CRPPA: variants seen among roughly 807,000 people sequenced by gnomAD.
CRPPA encodes the protein D-ribitol-5-phosphate cytidylyltransferase.
A neutral mutation model predicts 52.0 loss-of-function variants in CRPPA; 43 were observed. That is an observed-to-expected ratio of 0.83 (90% confidence interval 0.65 to 1.07). CRPPA has a LOEUF of 1.07. CRPPA is among the 50% of genes least tolerant of loss of function. CRPPA has a pLI of 0.00. For synonymous variants in CRPPA, 250 were observed against 203.5 expected, an observed-to-expected ratio of 1.23 and a Z score of -1.94; for missense variants, 629 against 551.7, an observed-to-expected ratio of 1.14 and a Z score of -1.40.
chr7:16,232,192 T>A (rs1782817339), intron 8 of CRPPA, among the ~76,000 whole-genome samples: 1 of 152,134 alleles, frequency 6.6e-6, no homozygotes, highest in South Asian at 2.1e-4. Flanking sequence ...AAATTGGCAA[T>A]AGCCATGAGC....
intron 5 of CRPPA, among the ~76,000 whole-genome samples, chr7:16,296,390 A>T (rs1784675966): frequency 6.6e-6 from 1 of 152,174 alleles, no homozygotes; most frequent in South Asian, 2.1e-4. Context: ...ATGGACCAAA[A>T]CACACAGGCT....
intron 9 of CRPPA, among the ~76,000 whole-genome samples, chr7:16,092,412 G>C (rs538193028): frequency 1.2e-4 from 18 of 152,274 alleles, no homozygotes; most frequent in Admixed American, 1.2e-3. Flanking sequence ...GTTGTGAATT[G>C]TGCTATCTTT....
chr7:16,248,252 T>A (rs1279435147), intron 8 of CRPPA, among the ~76,000 whole-genome samples: 2 of 152,090 alleles, frequency 1.3e-5, no homozygotes, highest in Admixed American at 1.3e-4. Context: ...GCTGGAGGGA[T>A]CACTTGAGCC....
intron 3 of CRPPA, among the ~76,000 whole-genome samples, chr7:16,371,203 A>G (rs1325312739): frequency 6.6e-6 from 1 of 152,194 alleles, no homozygotes; most frequent in African/African-American, 2.4e-5. Context: ...CACTTGCCTT[A>G]GCTACAACTG....
intron 3 of CRPPA, among the ~76,000 whole-genome samples, chr7:16,344,283 G>C (rs1785946695): frequency 6.6e-6 from 1 of 151,684 alleles, no homozygotes; most frequent in Non-Finnish European, 1.5e-5. Context: ...AAAATAACGT[G>C]GGCCAGGTGT....
intron 9 of CRPPA, among the ~76,000 whole-genome samples, chr7:16,195,307 G>A (rs953393875): frequency 3.9e-5 from 6 of 152,070 alleles, no homozygotes; most frequent in Non-Finnish European, 8.8e-5. Flanking sequence ...TTTCCATTGA[G>A]ATTTTGCCTT....
chr7:16,313,345 T>TA, intron 3 of CRPPA, among the ~76,000 whole-genome samples: 1 of 151,998 alleles, frequency 6.6e-6, no homozygotes, highest in Non-Finnish European at 1.5e-5. Context: ...ACTAAGTTTT[T>TA]AGGCACAGAG....
chr7:16,219,072 C>T (rs1454124024), intron 8 of CRPPA, among the ~76,000 whole-genome samples: 2 of 152,154 alleles, frequency 1.3e-5, no homozygotes, highest in Non-Finnish European at 2.9e-5. Flanking sequence ...TGTAAAAGAA[C>T]AGAAATTATA....
chr7:16,100,543 C>G (rs150810416), intron 9 of CRPPA, among the ~76,000 whole-genome samples: 1 of 152,078 alleles, frequency 6.6e-6, no homozygotes, highest in Non-Finnish European at 1.5e-5. Flanking sequence ...AAATATCGAA[C>G]GTTTTAGGCT....
At chr7:16,131,770 G>T (rs924362494) in intron 9 of CRPPA, among the ~76,000 whole-genome samples, 13 of 152,104 alleles carry the variant, frequency 8.5e-5, no homozygotes, top group African/African-American at 2.9e-4. Context: ...TTGTAAAGAT[G>T]GAGTCTCACC....
chr7:16,089,388 A>G lies in CRPPA; in HGVS notation c.*2307T>C, dbSNP rs762061291. 2.6e-6 allele frequency: 1 copy of G among 377,430 alleles called. No homozygotes were observed. Among genetic ancestry groups the G allele is most frequent in the South Asian group, 1.8e-5 (1 of 56,446 alleles). The allele number at this position is 377,430 out of a possible 1,614,324, so 23.4% of individuals were successfully genotyped here. A position where few individuals can be genotyped will look rare whatever the true frequency, so the allele number is the denominator to read the frequency against. ...CATGCATGTACATATATACGTATAT[A>G]TGTATGTACATAATGTGTATATATG... is the stretch of plus-strand genomic sequence containing the variant. On this transcript the variant is annotated 3_prime_UTR_variant, in exon 10 of 10. Transcript: ENST00000407010.
intron 9 of CRPPA, among the ~76,000 whole-genome samples, chr7:16,167,802 T>C (rs2128384251): frequency 6.6e-6 from 1 of 152,352 alleles, no homozygotes; most frequent in Non-Finnish European, 1.5e-5. Flanking sequence ...TTTACCTAGT[T>C]AATCCCTATC....
chr7:16,226,895 A>C (rs929183829), intron 8 of CRPPA, among the ~76,000 whole-genome samples: 2 of 151,886 alleles, frequency 1.3e-5, no homozygotes, highest in Non-Finnish European at 2.9e-5. Context: ...TTCCTCATTG[A>C]AGTGAAATTT....
At chr7:16,094,430 G>A (rs374124425) in intron 9 of CRPPA, among the ~76,000 whole-genome samples, 1 of 152,056 alleles carries the variant, frequency 6.6e-6, no homozygotes, top group East Asian at 1.9e-4. Flanking sequence ...TATTAACACA[G>A]GAAAAAAATG....
chr7:16,347,927 T>A (rs1786056137), intron 3 of CRPPA, among the ~76,000 whole-genome samples: 1 of 151,658 alleles, frequency 6.6e-6, no homozygotes, highest in Non-Finnish European at 1.5e-5. Context: ...GGAAAAAAAA[T>A]GGTGGTTTTC....
At chr7:16,140,553 T>C (rs936579023) in intron 9 of CRPPA, among the ~76,000 whole-genome samples, 4 of 152,196 alleles carry the variant, frequency 2.6e-5, no homozygotes, top group East Asian at 1.9e-4. Context: ...ACATAAAAAG[T>C]TGAATCAACA....
chr7:16,406,946 G>A (rs1787968766), intron 1 of CRPPA, among the ~76,000 whole-genome samples: 1 of 152,166 alleles, frequency 6.6e-6, no homozygotes, highest in Non-Finnish European at 1.5e-5. Flanking sequence ...TTGTTCTATT[G>A]AGTCATATAC....
chr7:16,359,199 G>C (rs988807573), intron 3 of CRPPA, among the ~76,000 whole-genome samples: 1 of 152,146 alleles, frequency 6.6e-6, no homozygotes, highest in Non-Finnish European at 1.5e-5. Context: ...ATAGCTCACT[G>C]TAACCTAGAA....
At chr7:16,322,872 C>T (rs1189399503) in intron 3 of CRPPA, among the ~76,000 whole-genome samples, 1 of 152,118 alleles carries the variant, frequency 6.6e-6, no homozygotes, top group Non-Finnish European at 1.5e-5. Context: ...TTCCACATCA[C>T]TGGGGAGGCC....
Sources: gnomAD v4.1 joint callset for allele counts (sites outside exome capture counted in the v4.1 genomes callset) on GRCh38, gnomAD v4.1.1 for gene constraint, MANE v1.5 for transcripts, NCBI Gene and HGNC (gene_info 2026-07-23, HGNC 2026-07-21) for gene names.